Variants in NCKAP5 observed in about 807,000 individuals in gnomAD.
The protein encoded by NCKAP5 is NCK associated protein 5, also known as nck-associated protein 5.
A neutral mutation model predicts 167.0 loss-of-function variants in NCKAP5; 92 were observed. The ratio of observed to expected loss-of-function variants is 0.55; its 90% CI spans 0.47 to 0.66. The LOEUF (loss-of-function observed/expected upper bound fraction) is 0.66, where lower values mean the gene tolerates loss of function less well. NCKAP5 is among the 30% of genes least tolerant of loss of function. The probability of loss-of-function intolerance (pLI) is 0.00; values close to 1 mark genes in which losing one functional copy is unlikely to be tolerated. For synonymous variants in NCKAP5, 891 were observed against 877.4 expected (o/e 1.02, Z -0.27); for missense variants, 2,378 against 2,315.0 (o/e 1.03, Z -0.56).
chr2:133,202,723 A>G (rs901739794), intron 5 of NCKAP5, among the ~76,000 whole-genome samples: 1 of 152,166 alleles, frequency 6.6e-6, no homozygotes, highest in Non-Finnish European at 1.5e-5. Context: ...TCAAAAAGTG[A>G]GCAAAGGAGA....
At chr2:133,406,776 C>T (rs1688465052) in intron 3 of NCKAP5, among the ~76,000 whole-genome samples, 1 of 152,204 alleles carries the variant, frequency 6.6e-6, no homozygotes, top group African/African-American at 2.4e-5. Context: ...ACTGTCTATA[C>T]TGTCCCATTC....
intron 16 of NCKAP5, among the ~76,000 whole-genome samples, chr2:132,743,935 T>A (rs957602488): frequency 6.6e-6 from 1 of 151,644 alleles, no homozygotes; most frequent in African/African-American, 2.4e-5. Flanking sequence ...AAGGAAATAT[T>A]ACCAGGGATC....
chr2:133,088,994 A>T (rs13410325), intron 6 of NCKAP5, among the ~76,000 whole-genome samples: 34,412 of 152,096 alleles, frequency 0.23, 4,372 homozygotes, highest in East Asian at 0.57. Flanking sequence ...ATAGAGGGAA[A>T]CCACCTTAAA....
At chr2:133,165,359 G>C (rs2083956266) in intron 5 of NCKAP5, among the ~76,000 whole-genome samples, 2 of 152,094 alleles carry the variant, frequency 1.3e-5, no homozygotes, top group Non-Finnish European at 2.9e-5. Flanking sequence ...CTCCTCCTGG[G>C]TACCTTCAAG....
intron 6 of NCKAP5, among the ~76,000 whole-genome samples, chr2:133,071,568 T>C (rs1468257350): frequency 6.6e-6 from 1 of 152,248 alleles, no homozygotes; most frequent in Non-Finnish European, 1.5e-5. Flanking sequence ...TTCCACTTTC[T>C]AAAAGCCAGA....
intron 4 of NCKAP5, among the ~76,000 whole-genome samples, chr2:133,261,181 G>A (rs1290155018): frequency 6.6e-6 from 1 of 152,132 alleles, no homozygotes; most frequent in Non-Finnish European, 1.5e-5. Flanking sequence ...TGCTGTGAAC[G>A]GAGTGTAGGG....
chr2:132,933,733 G>A lies in NCKAP5; in HGVS notation c.579+29987C>T, dbSNP rs192333806. Reference sequence around the variant, plus strand: ...CACCATAATTTAAAGACAGAAAAATGGTATTTAGGATTTACATATACATGT... The same window carrying A: ...CACCATAATTTAAAGACAGAAAAATAGTATTTAGGATTTACATATACATGT... On this transcript the variant is annotated intron_variant, in intron 8 of 19. Transcript: ENST00000409261. Among the ~76,000 whole-genome samples the A allele has an allele frequency of 3.4e-4, 51 of 152,226 alleles. 1 individual carries two copies. In the East Asian group the frequency reaches 9.7e-3, roughly 29 times the overall value.
At chr2:133,438,072 A>G (rs1690605809) in intron 3 of NCKAP5, among the ~76,000 whole-genome samples, 1 of 152,230 alleles carries the variant, frequency 6.6e-6, no homozygotes, top group South Asian at 2.1e-4. Context: ...TGAGTTGCTA[A>G]TGGAGCCAGT....
chr2:132,918,668 T>C (rs1695074365), intron 8 of NCKAP5, among the ~76,000 whole-genome samples: 1 of 152,318 alleles, frequency 6.6e-6, no homozygotes, highest in South Asian at 2.1e-4. Flanking sequence ...TGCATTTCTC[T>C]AGATTTCTAA....
At chr2:133,018,610 T>G (rs1008755279) in intron 6 of NCKAP5, among the ~76,000 whole-genome samples, 2 of 152,218 alleles carry the variant, frequency 1.3e-5, no homozygotes, top group African/African-American at 4.8e-5. Context: ...TTAAAAGGAC[T>G]TAGAACACCT....
At chr2:132,874,531 A>C (rs1052937307) in intron 9 of NCKAP5, among the ~76,000 whole-genome samples, 3 of 152,180 alleles carry the variant, frequency 2.0e-5, no homozygotes, top group African/African-American at 7.2e-5. Flanking sequence ...GGTGAGAAAT[A>C]GTCTCAGCAA....
At chr2:133,341,837 C>T (rs1277941980) in intron 3 of NCKAP5, among the ~76,000 whole-genome samples, 1 of 152,188 alleles carries the variant, frequency 6.6e-6, no homozygotes, top group Non-Finnish European at 1.5e-5. Context: ...CATTAAATTG[C>T]CATTTTTTGC....
intron 19 of NCKAP5, among the ~76,000 whole-genome samples, chr2:132,713,147 T>C (rs78717108): frequency 0.016 from 2,366 of 146,944 alleles, 56 homozygotes; most frequent in African/African-American, 0.055. Context: ...ACTGGAAAGA[T>C]GAACAAAAAA....
At chr2:132,941,177 G>A (rs1017405401) in intron 8 of NCKAP5, among the ~76,000 whole-genome samples, 7 of 152,106 alleles carry the variant, frequency 4.6e-5, no homozygotes, top group East Asian at 3.8e-4. Flanking sequence ...AAATCAAAAG[G>A]CTATTTCTGG....
upstream of NCKAP5, among the ~76,000 whole-genome samples, chr2:133,570,222 C>CG (rs1328964080): frequency 3.3e-5 from 5 of 151,852 alleles, no homozygotes; most frequent in African/African-American, 1.2e-4. Context: ...TGGTTACCCT[C>CG]GGGAAAAAAG....
chr2:133,630,878 T>A, the NCKAP5 span, among the ~76,000 whole-genome samples: 2 of 152,230 alleles, frequency 1.3e-5, no homozygotes, highest in Non-Finnish European at 2.9e-5. Flanking sequence ...AGCACAATTG[T>A]TATTTTAAGA....
chr2:133,336,861 T>C (rs1329225483), intron 3 of NCKAP5, among the ~76,000 whole-genome samples: 1 of 152,162 alleles, frequency 6.6e-6, no homozygotes, highest in Admixed American at 6.5e-5. Flanking sequence ...CAGGCTTCTG[T>C]TTGGCAGAGG....
chr2:133,157,386 T>C (rs12470656), intron 5 of NCKAP5, among the ~76,000 whole-genome samples: 28,020 of 152,162 alleles, frequency 0.18, 2,817 homozygotes, highest in Non-Finnish European at 0.22. Context: ...ACTGTGTTCC[T>C]ACCAGAGGGC....
chr2:133,622,708 A>G, the NCKAP5 span, among the ~76,000 whole-genome samples: 1 of 152,214 alleles, frequency 6.6e-6, no homozygotes, highest in African/African-American at 2.4e-5. Context: ...GGGTAGAATC[A>G]GTATTGTAAA....
Sources: allele counts gnomAD v4.1 joint callset (sites outside exome capture counted in the v4.1 genomes callset), GRCh38; gene constraint gnomAD v4.1.1; transcripts MANE v1.5; gene names NCBI Gene and HGNC (gene_info 2026-07-23, HGNC 2026-07-21).